Variants in IGF2BP2 observed in about 807,000 individuals in gnomAD.
IGF2BP2 encodes insulin like growth factor 2 mRNA binding protein 2.
Under a neutral mutation model 75.8 loss-of-function variants are expected in IGF2BP2, and 17 were observed. The observed-to-expected ratio is 0.22, with a 90% confidence interval of 0.15 to 0.34. The LOEUF (loss-of-function observed/expected upper bound fraction) is 0.34, where lower values mean the gene tolerates loss of function less well. IGF2BP2 is among the 10% of genes least tolerant of loss of function. The pLI, the probability that IGF2BP2 is intolerant of heterozygous loss-of-function variation, is 1.00. For missense variants in IGF2BP2, 516 were observed against 772.4 expected (o/e 0.67, Z 3.93); for synonymous variants, 288 against 295.6 (o/e 0.97, Z 0.26).
chr3:185,801,685 T>C (rs890077918), intron 2 of IGF2BP2, among the ~76,000 whole-genome samples: 5 of 151,950 alleles, frequency 3.3e-5, no homozygotes, highest in Admixed American at 3.3e-4. Flanking sequence ...ACCCAAAGGA[T>C]TATAAATCAT....
chr3:185,662,907 T>C (rs1339381661), intron 10 of IGF2BP2, among the ~76,000 whole-genome samples: 4 of 152,166 alleles, frequency 2.6e-5, no homozygotes, highest in African/African-American at 9.7e-5. Flanking sequence ...CTTGAACTCC[T>C]GACTTCAAAT....
chr3:185,707,481 G>C (rs1274673612), intron 2 of IGF2BP2, among the ~76,000 whole-genome samples: 1 of 151,384 alleles, frequency 6.6e-6, no homozygotes, highest in East Asian at 2.0e-4. Context: ...GCTAATTTTT[G>C]TATATTTAGT....
rs879548950 is a variant in IGF2BP2 at position 185,645,383 on chromosome 3, G to C, written c.*148C>G. 6.9e-5 allele frequency: 43 copies of C among 626,642 alleles called. No individual in the cohort carries two copies. Among genetic ancestry groups the C allele is most frequent in the South Asian group, 6.4e-4 (31 of 48,428 alleles). The allele number at this position is 626,642 out of a possible 1,614,324, so 38.8% of individuals were successfully genotyped here. ...CGGCCCCTGGGGTTCTCAGGGCCTC[G>C]GCAGAGTCCCTGGCCGCCTCCGCAG... On this transcript the variant is annotated 3_prime_UTR_variant, in exon 16 of 16. Transcript: ENST00000382199. This position sits in a 1 kb window ranked among gnomAD's most constrained non-coding sequence, Gnocchi z 4.9.
Position 185,645,497 on chromosome 3 carries a change from T to C in IGF2BP2, c.*34A>G, listed in dbSNP as rs1279929787. The stretch of plus-strand genomic sequence containing the variant: ...TCTGTCAGGTGTTGGAAGGGCTACA[T>C]TCATCCGTTGTTTTGCTGGTGCCTG... On this transcript the variant is annotated 3_prime_UTR_variant, in exon 16 of 16. Transcript: ENST00000382199. This position sits in a 1 kb window ranked among gnomAD's most constrained non-coding sequence, Gnocchi z 4.9. 1 of 1,452,288 alleles carries C rather than the reference T, an allele frequency of 6.9e-7. No individual in the cohort carries two copies. Among genetic ancestry groups the C allele is most frequent in the South Asian group, 1.1e-5 (1 of 87,950 alleles). 90.0% of individuals were successfully genotyped at this position (1,452,288 alleles called of 1,614,324 possible). A position where few individuals can be genotyped will look rare whatever the true frequency, so the allele number is the denominator to read the frequency against.
At chr3:185,703,411 G>C (rs1578027721) in intron 2 of IGF2BP2, among the ~76,000 whole-genome samples, 2 of 152,230 alleles carry the variant, frequency 1.3e-5, no homozygotes, top group South Asian at 2.1e-4. Flanking sequence ...AGTTACGGTA[G>C]AATTTGTTGC....
At chr3:185,646,879 C>G in intron 15 of IGF2BP2, 146 bp downstream of exon 15, 1 of 650,038 alleles carries the variant, frequency 1.5e-6, no homozygotes. Context: ...GGGGCCATCC[C>G]TAAAGAGCCA....
chr3:185,647,154 C>T lies in IGF2BP2; in HGVS notation c.1594-16G>A, dbSNP rs770588807. On this transcript the variant is annotated splice_polypyrimidine_tract_variant and intron_variant, in intron 14 of 15. Coordinates refer to ENST00000382199, the MANE Select transcript of IGF2BP2 (RefSeq NM_006548.6). This position sits in a 1 kb window ranked among gnomAD's most constrained non-coding sequence, Gnocchi z 4.9. ...GTTCGTTCACCTGTGAAGGGAGAAA[C>T]GGCAACGGGTTGGATAGGTTCCCTC... The T allele has an allele frequency of 3.7e-5, 59 of 1,591,352 alleles. No homozygotes were observed. The Admixed American group carries it at 7.0e-4, about 19-fold the overall frequency.
chr3:185,668,498 G>C (rs1205094804), intron 10 of IGF2BP2, among the ~76,000 whole-genome samples: 1 of 125,592 alleles, frequency 8.0e-6, no homozygotes, highest in Non-Finnish European at 1.7e-5. Flanking sequence ...GAGAGAGAGA[G>C]AGAGAGAGAG....
At chr3:185,705,817 C>T (rs764390445) in intron 2 of IGF2BP2, among the ~76,000 whole-genome samples, 70 of 152,130 alleles carry the variant, frequency 4.6e-4, no homozygotes, top group Non-Finnish European at 3.7e-4. Flanking sequence ...AGGTACTAAT[C>T]CCCTTCATGA....
At chr3:185,694,086 C>T (rs116277011) in intron 4 of IGF2BP2, among the ~76,000 whole-genome samples, 4,183 of 152,190 alleles carry the variant, frequency 0.027, 183 homozygotes, top group African/African-American at 0.096. Flanking sequence ...GTATGTAATG[C>T]TCAGAAAGAG....
chr3:185,659,847 T>C (rs1253389043), intron 10 of IGF2BP2, among the ~76,000 whole-genome samples: 1 of 151,602 alleles, frequency 6.6e-6, no homozygotes, highest in Non-Finnish European at 1.5e-5. Context: ...TAGGCTGGAG[T>C]GCAGTGGCGC....
At position 185,771,745 on chromosome 3, in the gene IGF2BP2, T is replaced by A. The variant is rs972071153; in HGVS notation, c.239+51408A>T. On this transcript the variant is annotated intron_variant, in intron 2 of 15. Coordinates refer to ENST00000382199, the MANE Select transcript of IGF2BP2 (RefSeq NM_006548.6). ...TGAATAAGTAGTCTTGTCCTCTGAG[T>A]TTTTTTTAATGGTACATTTCAAATA... Among the ~76,000 whole-genome samples, 8 of 152,158 alleles carry A rather than the reference T, an allele frequency of 5.3e-5. No homozygotes were observed. In the East Asian group the frequency reaches 1.5e-3, roughly 29 times the overall value.
intron 2 of IGF2BP2, among the ~76,000 whole-genome samples, chr3:185,719,290 A>T (rs962605530): frequency 6.6e-6 from 1 of 152,198 alleles, no homozygotes; most frequent in Non-Finnish European, 1.5e-5. Context: ...AGCTCTACAA[A>T]ACTGTAAGAC....
intron 10 of IGF2BP2, among the ~76,000 whole-genome samples, chr3:185,660,013 T>G (rs1004717710): frequency 2.6e-5 from 4 of 151,982 alleles, no homozygotes; most frequent in Non-Finnish European, 5.9e-5. Flanking sequence ...AGGCTGGTCT[T>G]GAACTCCTGA....
intron 7 of IGF2BP2, among the ~76,000 whole-genome samples, chr3:185,680,792 A>T (rs185324421): frequency 1.4e-5 from 2 of 147,934 alleles, no homozygotes; most frequent in East Asian, 2.0e-4. Context: ...AACATTTTTT[A>T]AAAAATCAAT....
chr3:185,740,000 C>T (rs1019165820), intron 2 of IGF2BP2, among the ~76,000 whole-genome samples: 47 of 151,826 alleles, frequency 3.1e-4, no homozygotes, highest in South Asian at 1.0e-3. Context: ...GTACTACAGG[C>T]GTACACCACC....
At chr3:185,764,045 T>A (rs532452138) in intron 2 of IGF2BP2, among the ~76,000 whole-genome samples, 15 of 152,182 alleles carry the variant, frequency 9.9e-5, no homozygotes, top group Non-Finnish European at 8.8e-5. Context: ...TTGAATGTCA[T>A]AGAGAGGATT....
chr3:185,717,417 C>T (rs529129470), intron 2 of IGF2BP2: 5 of 152,570 alleles, frequency 3.3e-5, no homozygotes, highest in Admixed American at 2.6e-4. Flanking sequence ...AAGAACTGAG[C>T]TGTCCAAGCA....
chr3:185,799,023 G>A lies in IGF2BP2; in HGVS notation c.239+24130C>T, dbSNP rs181728713. ...ATTCCTAGGCTCAAGTGATCTTCCC[G>A]CCTCAGCCTCCCAAAGTGCTGAGAT... On this transcript the variant is annotated intron_variant, in intron 2 of 15. Transcript: ENST00000382199. Among the ~76,000 whole-genome samples the A allele has an allele frequency of 1.5e-4, 23 of 151,502 alleles. No homozygotes were observed. The East Asian group carries it at 2.6e-3, about 17-fold the overall frequency.
Sources: allele counts gnomAD v4.1 joint callset (sites outside exome capture counted in the v4.1 genomes callset), GRCh38; gene constraint gnomAD v4.1.1; non-coding constraint Gnocchi (gnomAD v3.1); transcripts MANE v1.5; gene names NCBI Gene and HGNC (gene_info 2026-07-23, HGNC 2026-07-21).